DACH2: variants seen among roughly 807,000 people sequenced by gnomAD.
DACH2 encodes the protein dachshund homolog 2.
DACH2 carries 17 observed loss-of-function variants against 35.8 expected under a neutral mutation model. The ratio of observed to expected loss-of-function variants is 0.48; its 90% confidence interval spans 0.33 to 0.71. DACH2 has a LOEUF of 0.71. Among genes scored for constraint, DACH2 ranks in the 30% least tolerant of loss-of-function variants. The probability of loss-of-function intolerance (pLI) is 0.02; values close to 1 mark genes in which losing one functional copy is unlikely to be tolerated. For synonymous variants in DACH2, 195 were observed against 177.3 expected (o/e 1.10, Z -0.79); for missense variants, 469 against 472.7 (o/e 0.99, Z 0.07).
At chrX:86,557,215 T>C (rs753784865) in intron 3 of DACH2, among the ~76,000 whole-genome samples, 3 of 111,290 alleles carry the variant, frequency 2.7e-5, no homozygotes, top group South Asian at 7.6e-4. Flanking sequence ...AGCTTACTGA[T>C]TCAAATGCTA....
chrX:86,642,391 C>A (rs1403065262), intron 3 of DACH2, among the ~76,000 whole-genome samples: 2 of 111,735 alleles, frequency 1.8e-5, no homozygotes, highest in African/African-American at 6.5e-5. Context: ...GTGTTCAATT[C>A]AACAAGAAGA....
At chrX:86,441,834 A>T (rs758035423) in intron 2 of DACH2, among the ~76,000 whole-genome samples, 4 of 102,233 alleles carry the variant, frequency 3.9e-5, no homozygotes, top group Non-Finnish European at 7.9e-5. Flanking sequence ...ATTACATATT[A>T]TTATATATAT....
At chrX:86,451,925 G>A (rs1036360427) in intron 2 of DACH2, among the ~76,000 whole-genome samples, 2 of 111,398 alleles carry the variant, frequency 1.8e-5, no homozygotes, top group African/African-American at 6.5e-5. Context: ...GTCTTGTACC[G>A]GTTGTAAGGG....
chrX:86,584,877 G>A (rs895439176), intron 3 of DACH2, among the ~76,000 whole-genome samples: 1 of 110,705 alleles, frequency 9.0e-6, no homozygotes, highest in African/African-American at 3.3e-5. Context: ...CCAGTTTTTA[G>A]CTTTCATTAT....
At chrX:86,435,098 G>T (rs2037046714) in intron 2 of DACH2, among the ~76,000 whole-genome samples, 1 of 111,384 alleles carries the variant, frequency 9.0e-6, no homozygotes, top group South Asian at 3.8e-4. Flanking sequence ...CAGCATTGGG[G>T]ATTACAATTC....
At chrX:86,212,860 A>C (rs2032478683) in intron 1 of DACH2, among the ~76,000 whole-genome samples, 1 of 111,333 alleles carries the variant, frequency 9.0e-6, no homozygotes, top group Non-Finnish European at 1.9e-5. Flanking sequence ...TTAAAATTGC[A>C]GTCTATTTTT....
chrX:86,406,146 C>T (rs2036524553), intron 2 of DACH2, among the ~76,000 whole-genome samples: 1 of 111,570 alleles, frequency 9.0e-6, no homozygotes, highest in Non-Finnish European at 1.9e-5. Context: ...ATCTACATGC[C>T]TATCAGTGGC....
chrX:86,604,444 T>A (rs756326098), intron 3 of DACH2, among the ~76,000 whole-genome samples: 14 of 112,063 alleles, frequency 1.2e-4, no homozygotes, highest in Non-Finnish European at 2.6e-4. Context: ...TATTACTTTG[T>A]CACATTATGT....
At chrX:86,802,789 C>T (rs1043952894) in intron 7 of DACH2, among the ~76,000 whole-genome samples, 5 of 110,964 alleles carry the variant, frequency 4.5e-5, no homozygotes, top group African/African-American at 6.6e-5. Flanking sequence ...ACAAATGAGC[C>T]GGAGTGACAA....
intron 7 of DACH2, among the ~76,000 whole-genome samples, chrX:86,750,015 C>G (rs2041755369): frequency 9.0e-6 from 1 of 110,643 alleles, no homozygotes; most frequent in Non-Finnish European, 1.9e-5. Flanking sequence ...AGAATTTTCT[C>G]TATATAAGAT....
chrX:86,301,560 A>G (rs770084939), intron 1 of DACH2, among the ~76,000 whole-genome samples: 2 of 111,919 alleles, frequency 1.8e-5, no homozygotes, highest in Non-Finnish European at 3.8e-5. Flanking sequence ...GTGGTAACTG[A>G]CAGCTCATTT....
intron 1 of DACH2, among the ~76,000 whole-genome samples, chrX:86,194,793 G>A (rs2031932758): frequency 8.9e-6 from 1 of 112,668 alleles, no homozygotes; most frequent in Non-Finnish European, 1.9e-5. Flanking sequence ...CGCTAAGCTT[G>A]ACTTGCTCCC....
intron 1 of DACH2, among the ~76,000 whole-genome samples, chrX:86,239,263 C>T (rs775546880): frequency 9.0e-6 from 1 of 111,471 alleles, no homozygotes; most frequent in East Asian, 2.8e-4. Flanking sequence ...TATACAACTT[C>T]GCTGATTTTT....
chrX:86,248,722 A>T (rs1024769539), intron 1 of DACH2, among the ~76,000 whole-genome samples: 13 of 111,355 alleles, frequency 1.2e-4, no homozygotes, highest in African/African-American at 3.9e-4. Context: ...ACCAAAAAAG[A>T]GCTCAAATAG....
In DACH2 at chrX:86,740,677, A is replaced by G. The variant is rs2041645984; in HGVS notation, c.1240+795A>G. Among the ~76,000 whole-genome samples, 4 of 109,542 alleles carry G rather than the reference A, an allele frequency of 3.7e-5. No homozygotes were observed. The South Asian group carries it at 1.2e-3, about 33-fold the overall frequency. ...GCATATTGGGAATTTTAGTCTAGCT[A>G]TAGGTCTGGCACTAACTAGCTGTAA... On this transcript the variant is annotated intron_variant, in intron 7 of 11. Coordinates refer to ENST00000373125, the MANE Select transcript of DACH2 (RefSeq NM_053281.3).
intron 1 of DACH2, among the ~76,000 whole-genome samples, chrX:86,280,282 G>A (rs760204854): frequency 1.1e-3 from 120 of 112,191 alleles, no homozygotes; most frequent in Non-Finnish European, 1.9e-3. Flanking sequence ...AGCCAGAAGA[G>A]AGTGGGTGCC....
intron 7 of DACH2, among the ~76,000 whole-genome samples, chrX:86,782,805 A>G (rs2042100963): frequency 9.0e-6 from 1 of 111,524 alleles, no homozygotes; most frequent in Non-Finnish European, 1.9e-5. Context: ...CTATGAAACT[A>G]CTACAGGAGA....
chrX:86,620,019 T>A (rs1436516455), intron 3 of DACH2, among the ~76,000 whole-genome samples: 2 of 112,297 alleles, frequency 1.8e-5, no homozygotes, highest in African/African-American at 6.5e-5. Flanking sequence ...TTGCAAACTT[T>A]AAATTAACCC....
chrX:86,349,094 G>T (rs898831376), intron 1 of DACH2, among the ~76,000 whole-genome samples: 6 of 112,255 alleles, frequency 5.3e-5, no homozygotes, highest in Non-Finnish European at 1.1e-4. Flanking sequence ...TTCTTTCCTT[G>T]GTGTACCAGA....
Sources: gnomAD v4.1 joint callset for allele counts (sites outside exome capture counted in the v4.1 genomes callset) on GRCh38, gnomAD v4.1.1 for gene constraint, MANE v1.5 for transcripts, NCBI Gene and HGNC (gene_info 2026-07-23, HGNC 2026-07-21) for gene names.